Variants in FOXK2 observed in about 807,000 individuals in gnomAD.
The protein encoded by FOXK2 is forkhead box K2.
A neutral mutation model predicts 53.3 loss-of-function variants in FOXK2; 24 were observed. That is an observed-to-expected ratio of 0.45 (90% CI 0.33 to 0.63). The LOEUF (loss-of-function observed/expected upper bound fraction) is 0.63. Among genes scored for constraint, FOXK2 ranks in the 30% least tolerant of loss-of-function variants. The pLI is 0.03. For synonymous variants in FOXK2, 505 were observed against 407.1 expected (o/e 1.24, Z -2.89); for missense variants, 952 against 910.5 (o/e 1.05, Z -0.59).
At chr17:82,525,431 G>A (rs1175155777) in intron 1 of FOXK2, among the ~76,000 whole-genome samples, 4 of 152,036 alleles carry the variant, frequency 2.6e-5, no homozygotes, top group Admixed American at 2.0e-4. Flanking sequence ...TGCCCACCTC[G>A]GCCTCCCAAA....
intron 1 of FOXK2, among the ~76,000 whole-genome samples, chr17:82,547,038 C>G (rs760166604): frequency 6.7e-6 from 1 of 148,472 alleles, no homozygotes; most frequent in Non-Finnish European, 1.5e-5. Context: ...GATGGCACCA[C>G]TGCACTCCAA....
chr17:82,575,134 A>G (rs1204047410), intron 4 of FOXK2, among the ~76,000 whole-genome samples: 1 of 152,238 alleles, frequency 6.6e-6, no homozygotes, highest in Non-Finnish European at 1.5e-5. Flanking sequence ...TCTGATAAGT[A>G]ATGTACCACA....
intron 1 of FOXK2, among the ~76,000 whole-genome samples, chr17:82,554,312 A>G (rs1475900596): frequency 6.6e-6 from 1 of 152,206 alleles, no homozygotes; most frequent in Non-Finnish European, 1.5e-5. Flanking sequence ...TCTTGCAACA[A>G]AGTCTGGCTT....
intron 6 of FOXK2, among the ~76,000 whole-genome samples, chr17:82,584,899 A>C (rs779997784): frequency 3.9e-5 from 6 of 152,256 alleles, no homozygotes; most frequent in Non-Finnish European, 7.3e-5. Flanking sequence ...CAGTTTACTT[A>C]GTCATAATGT....
At chr17:82,548,993 G>T (rs1345418877) in intron 1 of FOXK2, among the ~76,000 whole-genome samples, 1 of 152,222 alleles carries the variant, frequency 6.6e-6, no homozygotes, top group African/African-American at 2.4e-5. Context: ...CCCAGCTGTT[G>T]TCTGGTGATC....
At chr17:82,557,430 G>A (rs1233549258) in intron 1 of FOXK2, among the ~76,000 whole-genome samples, 3 of 150,700 alleles carry the variant, frequency 2.0e-5, no homozygotes, top group Non-Finnish European at 4.4e-5. Flanking sequence ...TGCAACCTCC[G>A]CTCCCCAGGT....
Position 82,586,134 on chromosome 17 carries a change from C to A in FOXK2, c.1510C>A (p.Pro504Thr), listed in dbSNP as rs780073535. Reference protein sequence around the residue: ...YTVSGQAVVTPAAVLAPPKAE... With the variant: ...YTVSGQAVVTTAAVLAPPKAE... ...TGTCTCTGGACAAGCTGTGGTCACC[C>A]CGGCAGCCGTGCTGGCCCCTCCTAA... is the stretch of plus-strand genomic sequence containing the variant. The change falls in exon 7 of 9, where the codon CCG becomes ACG. Residue 504 changes from proline to threonine, a missense_variant. Pro to Thr is a conservative substitution (Grantham distance 38). Around this residue, in one of 5 missense-constraint regions of FOXK2, gnomAD observed 551 missense variants for 385.1 expected, o/e 1.43. Coordinates refer to ENST00000335255, the MANE Select transcript of FOXK2 (RefSeq NM_004514.4). The A allele has an allele frequency of 5.0e-6, 8 of 1,612,482 alleles. No homozygotes were observed. Among genetic ancestry groups the A allele is most frequent in the South Asian group, 4.4e-5 (4 of 91,060 alleles).
chr17:82,585,743 C>T (rs756321649), intron 6 of FOXK2, among the ~76,000 whole-genome samples, 161 bp from the exon 7 acceptor site: 4 of 152,206 alleles, frequency 2.6e-5, no homozygotes, highest in African/African-American at 4.8e-5. Context: ...AAATACTACA[C>T]CTCCCTCATT....
In FOXK2 at chr17:82,519,888, C is replaced by T. The variant is rs867116744; in HGVS notation, c.-1C>T. On this transcript the variant is annotated 5_prime_UTR_variant, in exon 1 of 9. Coordinates refer to ENST00000335255, the MANE Select transcript of FOXK2 (RefSeq NM_004514.4). The stretch of plus-strand genomic sequence containing the variant: ...CGGCCCGGGGGCCCTCACGCAGGCC[C>T]ATGGCGGCGGCCGCGGCGGCGCTCT... 23,404 of 977,700 alleles carry T rather than the reference C, an allele frequency of 0.024. 302 individuals are homozygous for T. Among genetic ancestry groups the T allele is most frequent in the Non-Finnish European group, 0.027 (22,014 of 826,704 alleles). 60.6% of individuals were successfully genotyped at this position (977,700 alleles called of 1,614,324 possible). A position where few individuals can be genotyped will look rare whatever the true frequency, so the allele number is the denominator to read the frequency against.
At chr17:82,563,750 CCTTTTT>C (rs1232622417) in intron 2 of FOXK2, among the ~76,000 whole-genome samples, 1 of 94,616 alleles carries the variant, frequency 1.1e-5, no homozygotes, top group African/African-American at 4.5e-5. Flanking sequence ...TTACTCATTC[CCTTTTT>C]TTTTTTTTTT....
intron 4 of FOXK2, among the ~76,000 whole-genome samples, chr17:82,573,560 T>TCACACACA (rs1407940714): frequency 2.3e-3 from 238 of 101,862 alleles, no homozygotes; most frequent in African/African-American, 8.3e-3. Context: ...TCTCTCTCTC[T>TCACACACA]CTCACACACA....
At chr17:82,546,085 A>G (rs762932333) in intron 1 of FOXK2, among the ~76,000 whole-genome samples, 1 of 140,194 alleles carries the variant, frequency 7.1e-6, no homozygotes, top group South Asian at 2.3e-4. Flanking sequence ...AGATCCTTCT[A>G]TGTGCTTACT....
chr17:82,600,276 A>C (rs931508776), intron 8 of FOXK2: 8 of 152,424 alleles, frequency 5.2e-5, no homozygotes, highest in African/African-American at 1.7e-4. Context: ...AAACAGAGCC[A>C]AGGCGGCGGC....
chr17:82,567,892 CTG>C (rs1169481174), intron 2 of FOXK2, among the ~76,000 whole-genome samples, 160 bp from the exon 3 acceptor site: 1 of 146,306 alleles, frequency 6.8e-6, no homozygotes, highest in East Asian at 2.0e-4. Context: ...TTATAAGAAT[CTG>C]TGTTTCCATA....
chr17:82,582,997 G>A (rs1029805501), intron 5 of FOXK2, 63 bp downstream of exon 5: 1 of 1,245,640 alleles, frequency 8.0e-7, no homozygotes, highest in Non-Finnish European at 1.1e-6. Flanking sequence ...TCAGTGTATT[G>A]GGAAAATTTC....
intron 7 of FOXK2, 126 bp from the exon 8 acceptor site, chr17:82,586,937 T>G: frequency 1.2e-6 from 1 of 855,238 alleles, no homozygotes; most frequent in Non-Finnish European, 1.9e-6. Context: ...TTTTTCTAAT[T>G]TGCTGTTTGT....
chr17:82,569,722 C>T (rs537319447), intron 3 of FOXK2, among the ~76,000 whole-genome samples: 7 of 152,248 alleles, frequency 4.6e-5, no homozygotes, highest in African/African-American at 1.2e-4. Flanking sequence ...AAGGAAGAGA[C>T]GTAGCGGGCA....
chr17:82,526,094 CAG>C (rs1470030422), intron 1 of FOXK2, among the ~76,000 whole-genome samples: 6 of 152,132 alleles, frequency 3.9e-5, no homozygotes, highest in Non-Finnish European at 8.8e-5. Context: ...TTTATTAAAT[CAG>C]AGACAGTATC....
intron 1 of FOXK2, among the ~76,000 whole-genome samples, chr17:82,541,279 T>TG (rs2044572044): frequency 6.8e-6 from 1 of 146,376 alleles, no homozygotes; most frequent in African/African-American, 2.5e-5. Flanking sequence ...GATTTACAGT[T>TG]TTTTTTTTTT....
Sources: allele counts gnomAD v4.1 joint callset (sites outside exome capture counted in the v4.1 genomes callset), GRCh38; gene constraint gnomAD v4.1.1; regional missense constraint gnomAD v4.1.1; transcripts MANE v1.5; gene names NCBI Gene and HGNC (gene_info 2026-07-23, HGNC 2026-07-21).